CNTN5: variants seen among roughly 807,000 people sequenced by gnomAD.
CNTN5 encodes the protein contactin-5.
CNTN5 carries 77 observed loss-of-function variants against 129.1 expected under a neutral mutation model. The observed-to-expected ratio is 0.60, with a 90% confidence interval of 0.50 to 0.72. The LOEUF is 0.72. Ranked by LOEUF, CNTN5 falls within the 30% of genes least tolerant of loss-of-function variation. The pLI is 0.00. For synonymous variants in CNTN5, 509 were observed against 465.6 expected (o/e 1.09, Z -1.20); for missense variants, 1,478 against 1,328.8 (o/e 1.11, Z -1.75).
chr11:99,622,968 C>G (rs11220676), intron 3 of CNTN5, among the ~76,000 whole-genome samples: 25,281 of 152,116 alleles, frequency 0.17, 2,333 homozygotes, highest in Non-Finnish European at 0.21. Flanking sequence ...GTGTCTGTCT[C>G]AATTAGAATG....
intron 1 of CNTN5, among the ~76,000 whole-genome samples, chr11:99,027,145 G>C (rs1426405377): frequency 6.6e-6 from 1 of 151,282 alleles, no homozygotes; most frequent in Non-Finnish European, 1.5e-5. Flanking sequence ...GAATCTTTTA[G>C]AGTATTATAA....
intron 6 of CNTN5, among the ~76,000 whole-genome samples, chr11:99,881,471 A>G (rs1031139664): frequency 2.0e-5 from 3 of 152,198 alleles, no homozygotes; most frequent in African/African-American, 7.2e-5. Flanking sequence ...CTTTGATTCT[A>G]CATTAGTTAT....
At chr11:99,577,745 T>C (rs888698132) in intron 3 of CNTN5, among the ~76,000 whole-genome samples, 2 of 152,100 alleles carry the variant, frequency 1.3e-5, no homozygotes, top group African/African-American at 2.4e-5. Context: ...TCTTTAGTTA[T>C]TGCTTCTAAA....
At chr11:99,974,132 T>C (rs930287411) in intron 8 of CNTN5, among the ~76,000 whole-genome samples, 2 of 152,242 alleles carry the variant, frequency 1.3e-5, no homozygotes, top group Non-Finnish European at 2.9e-5. Context: ...CCAGCCACTA[T>C]GCTAAAAGCA....
chr11:99,812,847 A>T (rs1946470790), intron 3 of CNTN5, among the ~76,000 whole-genome samples: 1 of 152,174 alleles, frequency 6.6e-6, no homozygotes, highest in Admixed American at 6.6e-5. Context: ...CGGTACTGTA[A>T]GAATACAAGA....
At chr11:99,584,199 CT>C (rs1318599523) in intron 3 of CNTN5, among the ~76,000 whole-genome samples, 1 of 152,068 alleles carries the variant, frequency 6.6e-6, no homozygotes, top group Admixed American at 6.6e-5. Flanking sequence ...ACGTTGTTCC[CT>C]TTTGGGGGAC....
intron 2 of CNTN5, among the ~76,000 whole-genome samples, chr11:99,469,910 C>A (rs566289222): frequency 8.5e-5 from 13 of 152,160 alleles, no homozygotes; most frequent in South Asian, 2.1e-4. Flanking sequence ...GAATAATAAT[C>A]ATCATCATAA....
At chr11:99,196,513 T>C (rs1858910511) in intron 1 of CNTN5, among the ~76,000 whole-genome samples, 2 of 151,990 alleles carry the variant, frequency 1.3e-5, no homozygotes, top group African/African-American at 2.4e-5. Flanking sequence ...GTAGGTAAGC[T>C]GTGAGTTATG....
intron 2 of CNTN5, among the ~76,000 whole-genome samples, chr11:99,453,330 A>G (rs1944379818): frequency 6.6e-6 from 1 of 152,188 alleles, no homozygotes; most frequent in Non-Finnish European, 1.5e-5. Context: ...AAACTTGTAG[A>G]GAAAGTTGAG....
intron 1 of CNTN5, among the ~76,000 whole-genome samples, chr11:99,153,438 T>G (rs1860169812): frequency 6.6e-6 from 1 of 151,988 alleles, no homozygotes; most frequent in Non-Finnish European, 1.5e-5. Context: ...TAGTATTTGG[T>G]GATTGTACTA....
chr11:100,330,749 TAC>T (rs1464187181), intron 21 of CNTN5, among the ~76,000 whole-genome samples: 1 of 152,148 alleles, frequency 6.6e-6, no homozygotes, highest in Non-Finnish European at 1.5e-5. Context: ...AAAGGAAAGA[TAC>T]AGTCTCTTCC....
At chr11:99,148,644 A>G (rs2135481839) in intron 1 of CNTN5, among the ~76,000 whole-genome samples, 1 of 152,106 alleles carries the variant, frequency 6.6e-6, no homozygotes, top group Non-Finnish European at 1.5e-5. Flanking sequence ...ACAAGATTAT[A>G]CTCTTAAGTT....
Position 99,726,545 on chromosome 11 carries a change from G to A in CNTN5, c.56-92999G>A, listed in dbSNP as rs147040810. Among the ~76,000 whole-genome samples the A allele has an allele frequency of 1.4e-4, 22 of 152,110 alleles. No individual in the cohort carries two copies. The East Asian group carries it at 3.3e-3, about 23-fold the overall frequency. The stretch of plus-strand genomic sequence containing the variant: ...AGCTAAACTCTATGTAATAATAATC[G>A]CTGACACTTATTTCTTACTTCAGGC... On this transcript the variant is annotated intron_variant, in intron 3 of 24. Transcript: ENST00000524871.
intron 6 of CNTN5, among the ~76,000 whole-genome samples, chr11:99,889,315 TGTGTGTGTGTGTGTG>T (rs1948987282): frequency 8.1e-6 from 1 of 123,152 alleles, no homozygotes; most frequent in African/African-American, 2.8e-5. Context: ...TGTGTGTGTG[TGTGTGTGTGTGTGTG>T]TGTGTGTGTG....
intron 1 of CNTN5, among the ~76,000 whole-genome samples, chr11:99,261,962 C>G (rs931620903): frequency 1.3e-5 from 2 of 152,020 alleles, no homozygotes; most frequent in African/African-American, 4.8e-5. Flanking sequence ...AAAGGAGTCT[C>G]TAAGGATATT....
At chr11:99,068,292 A>G (rs1349752991) in intron 1 of CNTN5, among the ~76,000 whole-genome samples, 2 of 152,222 alleles carry the variant, frequency 1.3e-5, no homozygotes, top group African/African-American at 2.4e-5. Flanking sequence ...AATGTGATAC[A>G]TTCTCTGAAA....
At chr11:99,450,693 T>G (rs1198302729) in intron 2 of CNTN5, among the ~76,000 whole-genome samples, 1 of 151,676 alleles carries the variant, frequency 6.6e-6, no homozygotes, top group Non-Finnish European at 1.5e-5. Context: ...GTCATCTCAG[T>G]ATGAGAGCTG....
chr11:99,258,590 G>A (rs561374903), intron 1 of CNTN5, among the ~76,000 whole-genome samples: 4 of 152,002 alleles, frequency 2.6e-5, no homozygotes, highest in South Asian at 4.1e-4. Flanking sequence ...CCCTCTCCAA[G>A]TATGCAGAGA....
At chr11:100,289,271 C>T (rs1950886876) in intron 18 of CNTN5, among the ~76,000 whole-genome samples, 1 of 152,150 alleles carries the variant, frequency 6.6e-6, no homozygotes, top group African/African-American at 2.4e-5. Context: ...AGGGCAGCAT[C>T]ATCCTGATAC....
Sources: gnomAD v4.1 joint callset for allele counts (sites outside exome capture counted in the v4.1 genomes callset) on GRCh38, gnomAD v4.1.1 for gene constraint, MANE v1.5 for transcripts, NCBI Gene and HGNC (gene_info 2026-07-23, HGNC 2026-07-21) for gene names.